The following CFAP95 variants were observed in gnomAD, a reference collection of about 807,000 sequenced individuals.
CFAP95 encodes cilia and flagella associated protein 95, also known as cilia- and flagella-associated protein 95.
chr9:69,838,039 T>C, the CFAP95 span, among the ~76,000 whole-genome samples: 1 of 152,348 alleles, frequency 6.6e-6, no homozygotes, highest in East Asian at 1.9e-4. Context: ...ATCAGATAGT[T>C]GTAGATATGC....
the CFAP95 span, chr9:69,856,744 G>A: frequency 9.7e-7 from 1 of 1,029,766 alleles, no homozygotes; most frequent in South Asian, 1.5e-5. Context: ...GTAGCAAAAA[G>A]GTATAGTGAC....
At chr9:69,839,694 T>C in the CFAP95 span, among the ~76,000 whole-genome samples, 1 of 151,378 alleles carries the variant, frequency 6.6e-6, no homozygotes, top group African/African-American at 2.4e-5. Context: ...CCCAAAGTGC[T>C]GGGATTACAG....
the CFAP95 span, among the ~76,000 whole-genome samples, chr9:69,905,493 G>A: frequency 3.3e-5 from 5 of 152,162 alleles, no homozygotes; most frequent in African/African-American, 1.2e-4. Flanking sequence ...TTACAGCAAT[G>A]TGTCAGAGCT....
At chr9:69,897,256 A>C in the CFAP95 span, among the ~76,000 whole-genome samples, 1 of 152,268 alleles carries the variant, frequency 6.6e-6, no homozygotes, top group East Asian at 1.9e-4. Flanking sequence ...AAGTAAATGG[A>C]ACACTCAAAA....
At chr9:69,858,546 T>C in the CFAP95 span, among the ~76,000 whole-genome samples, 3 of 152,164 alleles carry the variant, frequency 2.0e-5, no homozygotes, top group Non-Finnish European at 4.4e-5. Context: ...AACACATGTG[T>C]TAGACAAGCT....
At chr9:69,875,765 CTACTCATTACCCAGTTA>C in the CFAP95 span, among the ~76,000 whole-genome samples, 19 of 152,204 alleles carry the variant, frequency 1.2e-4, no homozygotes, top group Non-Finnish European at 2.4e-4. Context: ...AAACATCCAT[CTACTCATTACCCAGTTA>C]TAATGTAAGT....
At chr9:69,825,180 A>G in the CFAP95 span, among the ~76,000 whole-genome samples, 1 of 152,220 alleles carries the variant, frequency 6.6e-6, no homozygotes, top group Admixed American at 6.5e-5. Context: ...ATTGATGAAC[A>G]CTTAATATCT....
chr9:69,821,998 G>C, the CFAP95 span, among the ~76,000 whole-genome samples: 2 of 152,120 alleles, frequency 1.3e-5, no homozygotes, highest in Admixed American at 6.5e-5. Context: ...TTTAGAACTT[G>C]ACCTGGAAAT....
chr9:69,862,008 T>A, the CFAP95 span, among the ~76,000 whole-genome samples: 6 of 152,182 alleles, frequency 3.9e-5, no homozygotes, highest in Non-Finnish European at 8.8e-5. Context: ...CTATTAATAT[T>A]TGTTGCAATT....
the CFAP95 span, among the ~76,000 whole-genome samples, chr9:69,831,154 C>T: frequency 3.9e-5 from 6 of 151,962 alleles, no homozygotes; most frequent in Non-Finnish European, 5.9e-5. Flanking sequence ...TACTAGATCT[C>T]CAATCAGATG....
chr9:69,877,248 A>C, the CFAP95 span, among the ~76,000 whole-genome samples: 1 of 152,198 alleles, frequency 6.6e-6, no homozygotes, highest in South Asian at 2.1e-4. Flanking sequence ...ATATTTAAGC[A>C]GTTCTGCTTC....
chr9:69,851,523 T>A, the CFAP95 span, among the ~76,000 whole-genome samples: 1 of 152,164 alleles, frequency 6.6e-6, no homozygotes, highest in East Asian at 1.9e-4. Flanking sequence ...TGGATAATTT[T>A]TTATTTCCCC....
the CFAP95 span, among the ~76,000 whole-genome samples, chr9:69,848,934 A>G: frequency 6.6e-6 from 1 of 152,178 alleles, no homozygotes; most frequent in Non-Finnish European, 1.5e-5. Flanking sequence ...ATGAGAAAGA[A>G]CTAGTCCTCT....
At chr9:69,827,645 G>A in the CFAP95 span, among the ~76,000 whole-genome samples, 5 of 152,164 alleles carry the variant, frequency 3.3e-5, no homozygotes, top group South Asian at 2.1e-4. Flanking sequence ...GTCCTTGCTC[G>A]CCTCATCCTG....
chr9:69,881,569 T>C, the CFAP95 span, among the ~76,000 whole-genome samples: 2 of 152,356 alleles, frequency 1.3e-5, no homozygotes, highest in African/African-American at 2.4e-5. Flanking sequence ...TACTATAGCT[T>C]TGTAACATAA....
chr9:69,861,013 A>G, the CFAP95 span, among the ~76,000 whole-genome samples: 1 of 152,182 alleles, frequency 6.6e-6, no homozygotes, highest in African/African-American at 2.4e-5. Context: ...TGTGATAAAA[A>G]GCGTAGTACA....
the CFAP95 span, among the ~76,000 whole-genome samples, chr9:69,855,843 A>ACAG: frequency 6.6e-6 from 1 of 152,124 alleles, no homozygotes; most frequent in East Asian, 1.9e-4. Flanking sequence ...AACAACAACA[A>ACAG]CAGAAAGTCT....
chr9:69,822,156 T>C, the CFAP95 span, among the ~76,000 whole-genome samples: 1 of 152,026 alleles, frequency 6.6e-6, no homozygotes, highest in Non-Finnish European at 1.5e-5. Context: ...ACATTTGGAG[T>C]GGTTGGAATA....
At chr9:69,822,255 A>G in the CFAP95 span, among the ~76,000 whole-genome samples, 9 of 152,202 alleles carry the variant, frequency 5.9e-5, no homozygotes, top group Non-Finnish European at 8.8e-5. Context: ...GAAATGAGTG[A>G]TTTTGACTCT....
Sources: gnomAD v4.1 joint callset for allele counts (sites outside exome capture counted in the v4.1 genomes callset) on GRCh38, gnomAD v4.1.1 for gene constraint, MANE v1.5 for transcripts, NCBI Gene and HGNC (gene_info 2026-07-23, HGNC 2026-07-21) for gene names.